The following SULT6B1 variants were observed in gnomAD, a reference collection of about 807,000 sequenced individuals.
SULT6B1 encodes sulfotransferase family 6B member 1, also known as sulfotransferase 6B1.
In SULT6B1, 44 loss-of-function variants were observed where a neutral mutation model predicts 37.2. The observed-to-expected ratio is 1.18, with a 90% confidence interval of 0.93 to 1.52. The LOEUF (loss-of-function observed/expected upper bound fraction) is 1.52. SULT6B1 is among the 40% of genes most tolerant of loss of function. SULT6B1 has a pLI of 0.00. For synonymous variants in SULT6B1, 140 were observed against 126.0 expected, an observed-to-expected ratio of 1.11 and a Z score of -0.74; for missense variants, 450 against 361.0, an observed-to-expected ratio of 1.25 and a Z score of -2.00.
At chr2:37,174,668 C>A (rs1676375904) in intron 5 of SULT6B1, among the ~76,000 whole-genome samples, 1 of 152,204 alleles carries the variant, frequency 6.6e-6, no homozygotes, top group African/African-American at 2.4e-5. Context: ...CCTTCTCCAA[C>A]TGGCATGTAA....
chr2:37,189,038 A>G (rs1232734895), upstream of SULT6B1, among the ~76,000 whole-genome samples: 1 of 152,206 alleles, frequency 6.6e-6, no homozygotes, highest in Non-Finnish European at 1.5e-5. Context: ...ATTTCCACAC[A>G]TATCCTCTGT....
chr2:37,171,693 G>T, intron 5 of SULT6B1, 103 bp from the exon 6 acceptor site: 2 of 1,009,836 alleles, frequency 2.0e-6, no homozygotes, highest in East Asian at 2.6e-5. Flanking sequence ...TAACTCCCTA[G>T]TTCATCTCAT....
chr2:37,187,497 A>C, intron 1 of SULT6B1, 30 bp from the exon 2 acceptor site: 15 of 1,390,282 alleles, frequency 1.1e-5, no homozygotes, highest in East Asian at 2.3e-5. Context: ...ATAAAAACTC[A>C]TTACGGAGTC....
chr2:37,186,121 G>C (rs1382363290), intron 2 of SULT6B1, among the ~76,000 whole-genome samples: 3 of 152,158 alleles, frequency 2.0e-5, no homozygotes, highest in African/African-American at 4.8e-5. Context: ...TTTCAAGTTT[G>C]TATTTGTCAT....
intron 2 of SULT6B1, 120 bp downstream of exon 2, chr2:37,187,235 A>T: frequency 4.6e-6 from 3 of 657,632 alleles, no homozygotes; most frequent in South Asian, 3.8e-5. Context: ...TGGTAAGCAC[A>T]CAGTAAATTG....
At chr2:37,194,316 G>C (rs551113461) in intron 1 of SULT6B1, 59 of 218,358 alleles carry the variant, frequency 2.7e-4, no homozygotes, top group African/African-American at 1.3e-3. Context: ...CTGACCTCAA[G>C]TGATCTGCCC....
chr2:37,174,227 C>CTTTTTTT (rs35100458), intron 5 of SULT6B1, among the ~76,000 whole-genome samples: 3 of 58,478 alleles, frequency 5.1e-5, no homozygotes, highest in Non-Finnish European at 9.5e-5. Flanking sequence ...TCTTCCTATT[C>CTTTTTTT]TTTTTTTTTT....
chr2:37,186,523 G>A (rs754791116), intron 2 of SULT6B1, among the ~76,000 whole-genome samples: 7 of 152,200 alleles, frequency 4.6e-5, no homozygotes, highest in East Asian at 1.9e-4. Flanking sequence ...CATCAGTGGC[G>A]TACTCTCTGA....
chr2:37,186,431 C>G (rs2148298727), intron 2 of SULT6B1, among the ~76,000 whole-genome samples: 1 of 152,230 alleles, frequency 6.6e-6, no homozygotes, highest in Middle Eastern at 3.4e-3. Context: ...GTAGAACATC[C>G]TATCTCACAT....
intron 4 of SULT6B1, among the ~76,000 whole-genome samples, chr2:37,177,693 T>C (rs942014363): frequency 1.3e-5 from 2 of 152,140 alleles, no homozygotes; most frequent in Non-Finnish European, 2.9e-5. Context: ...ATAATATTCG[T>C]TAAAAGAATA....
chr2:37,181,877 T>A (rs1676558622), intron 3 of SULT6B1, among the ~76,000 whole-genome samples: 1 of 152,220 alleles, frequency 6.6e-6, no homozygotes, highest in Admixed American at 6.5e-5. Flanking sequence ...ACATTCGCGA[T>A]ATAAGGAAAA....
At chr2:37,178,030 A>G (rs1263780019) in intron 4 of SULT6B1, among the ~76,000 whole-genome samples, 6 of 152,090 alleles carry the variant, frequency 3.9e-5, no homozygotes, top group African/African-American at 1.2e-4. Context: ...GCCACTTACA[A>G]GCAATGGCAA....
In SULT6B1 at chr2:37,168,031, T is replaced by G. The variant is rs780403320; in HGVS notation, c.816A>C (p.Glu272Asp). The change falls in exon 7 of 7, where the codon GAA becomes GAC. Residue 272 changes from glutamate (E) to aspartate (D), a missense_variant. By Grantham distance (45) the Glu-to-Asp change is conservative. Transcript: ENST00000535679. ...EVGDWKNLFS[E>D]IQNQEMDEKF... ...TTTCATCCATTTCCTGGTTCTGAATTTCACTGAACAAATTTTTCCAATCAC... is the reference window on the plus strand; with the variant it reads ...TTTCATCCATTTCCTGGTTCTGAATGTCACTGAACAAATTTTTCCAATCAC... 3 of 1,597,208 alleles carry G rather than the reference T, an allele frequency of 1.9e-6. 1 individual carries two copies. In the South Asian group the frequency reaches 3.4e-5, roughly 18 times the overall value.
At chr2:37,178,805 T>G (rs931050802) in intron 4 of SULT6B1, among the ~76,000 whole-genome samples, 1 of 152,166 alleles carries the variant, frequency 6.6e-6, no homozygotes, top group Admixed American at 6.5e-5. Context: ...TAAAAAATAT[T>G]TTTTGTTTTT....
At chr2:37,190,900 G>T (rs1676767518), upstream of SULT6B1, among the ~76,000 whole-genome samples, 1 of 152,002 alleles carries the variant, frequency 6.6e-6, no homozygotes, top group Non-Finnish European at 1.5e-5. Flanking sequence ...CTGTAGTTGG[G>T]GCTCTGCACT....
Position 37,175,234 on chromosome 2 carries a change from C to T in SULT6B1, c.530-8G>A. 6.6e-7 allele frequency: 1 copy of T among 1,519,622 alleles called. No individual in the cohort carries two copies. The highest frequency in any genetic ancestry group is 9.0e-7 in the Non-Finnish European group (1 of 1,113,342). The allele number at this position is 1,519,622 out of a possible 1,614,324, so 94.1% of individuals were successfully genotyped here. On this transcript the variant is annotated splice_polypyrimidine_tract_variant and splice_region_variant and intron_variant, in intron 4 of 6. Coordinates refer to ENST00000535679, the MANE Select transcript of SULT6B1 (RefSeq NM_001367551.1). ...AATACCTTCCCCAAGAAACTAAAAACACAGGGGGGAAGACTTTAAGAAATG... is the reference window on the plus strand; with the variant it reads ...AATACCTTCCCCAAGAAACTAAAAATACAGGGGGGAAGACTTTAAGAAATG...
At chr2:37,193,643 A>AAGAAGAAGAAGGAGAAGAAGG (rs1184385119), upstream of SULT6B1, among the ~76,000 whole-genome samples, 3 of 132,504 alleles carry the variant, frequency 2.3e-5, no homozygotes, top group Middle Eastern at 4.1e-3. Flanking sequence ...GAAGAAGAAG[A>AAGAAGAAGAAGGAGAAGAAGG]AGAAGAAGGA....
In SULT6B1 at chr2:37,171,493, G is replaced by T; in HGVS notation, c.722C>A (p.Ala241Asp). 1 of 1,614,182 alleles carries T rather than the reference G, an allele frequency of 6.2e-7. No individual in the cohort carries two copies. The highest frequency in any genetic ancestry group is 1.1e-5 in the South Asian group (1 of 91,072). ...TGTGTCCTGAGACTTCGCACGCATGGCTTGGAAGGTGCTCTGGACTGAGAT... is the reference window on the plus strand; with the variant it reads ...TGTGTCCTGAGACTTCGCACGCATGTCTTGGAAGGTGCTCTGGACTGAGAT... Reference protein sequence around the residue: ...QTISVQSTFQAMRAKSQDTHG... With the variant: ...QTISVQSTFQDMRAKSQDTHG... Residue 241 changes from alanine (A) to aspartate (D), a missense_variant, in exon 6 of 7, where the codon GCC (alanine) becomes GAC (aspartate). Coordinates refer to ENST00000535679, the MANE Select transcript of SULT6B1 (RefSeq NM_001367551.1).
chr2:37,182,513 G>A (rs1286718359), intron 3 of SULT6B1, among the ~76,000 whole-genome samples: 1 of 152,096 alleles, frequency 6.6e-6, no homozygotes, highest in Non-Finnish European at 1.5e-5. Context: ...ATTTTTTGTA[G>A]AGATGTGGTT....
Sources: allele counts gnomAD v4.1 joint callset (sites outside exome capture counted in the v4.1 genomes callset), GRCh38; gene constraint gnomAD v4.1.1; transcripts MANE v1.5; gene names NCBI Gene and HGNC (gene_info 2026-07-23, HGNC 2026-07-21).